Variants in CDK12 observed in about 807,000 individuals in gnomAD.
The protein encoded by CDK12 is cyclin dependent kinase 12, also known as cyclin-dependent kinase 12.
Under a neutral mutation model 133.8 loss-of-function variants are expected in CDK12, and 17 were observed. The observed-to-expected ratio is 0.13, with a 90% confidence interval of 0.09 to 0.19. CDK12 has a LOEUF of 0.19. Ranked by LOEUF, CDK12 falls within the 10% of genes least tolerant of loss-of-function variation. CDK12 has a pLI of 1.00. For missense variants in CDK12, 1,508 were observed against 1,818.7 expected (o/e 0.83, Z 3.11); for synonymous variants, 694 against 683.6 (o/e 1.02, Z -0.24).
chr17:39,485,890 A>G (rs920219980), intron 2 of CDK12, among the ~76,000 whole-genome samples: 4 of 151,960 alleles, frequency 2.6e-5, no homozygotes, highest in Non-Finnish European at 4.4e-5. Context: ...ACAAAAAACC[A>G]TAGACTGAAT....
intron 5 of CDK12, among the ~76,000 whole-genome samples, chr17:39,495,382 G>A (rs1255568563): frequency 1.6e-3 from 40 of 24,468 alleles, no homozygotes; most frequent in Non-Finnish European, 2.5e-3. Context: ...CTGGCCTCAT[G>A]TGTTTTTTTT....
chr17:39,462,839 G>T lies in CDK12; in HGVS notation c.768G>T (p.Ser256=). The T allele has an allele frequency of 1.2e-6, 2 of 1,614,116 alleles. No individual in the cohort carries two copies. Among genetic ancestry groups the T allele is most frequent in the Non-Finnish European group, 1.7e-6 (2 of 1,180,028 alleles). Residue 256 remains serine, a synonymous_variant, in exon 1 of 14, where the codon TCG becomes TCT. Coordinates refer to ENST00000447079, the MANE Select transcript of CDK12 (RefSeq NM_016507.4). ...YDLSPSRSHT[S]SNYDSYKKSP... Reference sequence around the variant, plus strand: ...TTAGTCCCTCACGATCTCATACCTCGAGCAATTATGACTCCTACAAGAAAA... The same window carrying T: ...TTAGTCCCTCACGATCTCATACCTCTAGCAATTATGACTCCTACAAGAAAA...
intron 5 of CDK12, among the ~76,000 whole-genome samples, chr17:39,499,371 G>A (rs1270637766): frequency 1.3e-5 from 2 of 150,666 alleles, no homozygotes; most frequent in Non-Finnish European, 2.9e-5. Context: ...ACCACGTCCA[G>A]GTAATTTTTG....
chr17:39,471,264 A>T lies in CDK12; in HGVS notation c.1432A>T (p.Thr478Ser), dbSNP rs769398436. 14 of 1,612,042 alleles carry T rather than the reference A, an allele frequency of 8.7e-6. No homozygotes were observed. In the South Asian group the frequency reaches 1.5e-4, roughly 18 times the overall value. ...LNTEVKNSSDTGKVKLDENSE... is the reference protein window; with the variant it reads ...LNTEVKNSSDSGKVKLDENSE... ...CACAGAGGTAAAAAATTCTTCAGAT[A>T]CAGGGAAAGTAAAGTTGGATGAGAA... The change falls in exon 2 of 14, where the codon ACA (threonine) becomes TCA (serine). Residue 478 changes from threonine to serine, a missense_variant. Thr to Ser is a moderately conservative substitution (Grantham distance 58). Around this residue, in one of 9 missense-constraint regions of CDK12, gnomAD observed 347 missense variants for 330.8 expected, o/e 1.05. Transcript: ENST00000447079.
intron 2 of CDK12, among the ~76,000 whole-genome samples, chr17:39,472,243 C>G (rs918477642): frequency 3.3e-5 from 5 of 151,976 alleles, no homozygotes; most frequent in Admixed American, 1.3e-4. Flanking sequence ...CTGGGCCTGC[C>G]AAAGTGCTGG....
At chr17:39,537,879 AAAG>A (rs1405717735), downstream of CDK12, among the ~76,000 whole-genome samples, 1 of 152,022 alleles carries the variant, frequency 6.6e-6, no homozygotes, top group Non-Finnish European at 1.5e-5. Context: ...AATTGCTTAT[AAAG>A]AAGAGAGGGA....
downstream of CDK12, chr17:39,567,387 C>A (rs1274256215): frequency 2.0e-5 from 3 of 152,162 alleles, no homozygotes; most frequent in African/African-American, 7.2e-5. Context: ...ATGTATTTGT[C>A]CAGTCATTTG....
intron 5 of CDK12, among the ~76,000 whole-genome samples, chr17:39,498,320 G>A (rs1354651938): frequency 6.6e-6 from 1 of 152,076 alleles, no homozygotes; most frequent in Non-Finnish European, 1.5e-5. Flanking sequence ...CACCTCCTGG[G>A]TTCAAGCAGT....
At chr17:39,558,293 G>T (rs1395193335) in intron 3 of CDK12, among the ~76,000 whole-genome samples, 1 of 152,184 alleles carries the variant, frequency 6.6e-6, no homozygotes, top group Non-Finnish European at 1.5e-5. Flanking sequence ...CAACTGTTCT[G>T]CCTGGAAGTT....
intron 6 of CDK12, among the ~76,000 whole-genome samples, chr17:39,508,442 G>T (rs150154669): frequency 4.6e-5 from 7 of 152,220 alleles, no homozygotes; most frequent in Non-Finnish European, 1.0e-4. Context: ...GTTGGGTTTT[G>T]CATTGCCCAC....
chr17:39,511,702 C>T, intron 8 of CDK12, 72 bp downstream of exon 8: 3 of 925,020 alleles, frequency 3.2e-6, no homozygotes, highest in Non-Finnish European at 4.9e-6. Flanking sequence ...TTTCTCTGTA[C>T]ACTGGCTTTT....
downstream of CDK12, among the ~76,000 whole-genome samples, chr17:39,538,624 A>C (rs1432246776): frequency 1.3e-5 from 2 of 152,108 alleles, no homozygotes; most frequent in Non-Finnish European, 1.5e-5. Flanking sequence ...GCTACCTGGG[A>C]GCGGTGGCTC....
At chr17:39,548,677 G>T (rs1010460371), upstream of CDK12, among the ~76,000 whole-genome samples, 4 of 152,198 alleles carry the variant, frequency 2.6e-5, no homozygotes, top group Non-Finnish European at 5.9e-5. Flanking sequence ...AGGGCCCTGA[G>T]CCAAAAATGG....
chr17:39,468,531 A>G (rs2049524771), intron 1 of CDK12, among the ~76,000 whole-genome samples: 1 of 151,944 alleles, frequency 6.6e-6, no homozygotes, highest in Non-Finnish European at 1.5e-5. Context: ...GCTGGAGTGC[A>G]TTGGCACAAT....
At chr17:39,477,200 T>G (rs1396098472) in intron 2 of CDK12, among the ~76,000 whole-genome samples, 2 of 150,330 alleles carry the variant, frequency 1.3e-5, no homozygotes, top group Non-Finnish European at 3.0e-5. Context: ...TTTGTAGTGT[T>G]TTTATTTTTG....
exon 1 of CDK12, chr17:39,550,388 G>A (rs1196516780): frequency 1.3e-5 from 2 of 152,238 alleles, no homozygotes; most frequent in Non-Finnish European, 2.9e-5. Flanking sequence ...AAACGGATTG[G>A]AACTATACTG....
At chr17:39,464,588 A>G (rs953765383) in intron 1 of CDK12, among the ~76,000 whole-genome samples, 2 of 151,780 alleles carry the variant, frequency 1.3e-5, no homozygotes, top group African/African-American at 4.8e-5. Context: ...CAATTCATAA[A>G]TGGTGTGAGT....
At position 39,471,092 on chromosome 17, in the gene CDK12, C is replaced by G; in HGVS notation, c.1260C>G (p.Ser420=). 1 of 1,612,950 alleles carries G rather than the reference C, an allele frequency of 6.2e-7. No homozygotes were observed. The highest frequency in any genetic ancestry group is 8.5e-7 in the Non-Finnish European group (1 of 1,179,608). Residue 420 remains serine, a synonymous_variant, in exon 2 of 14, where the codon TCC becomes TCG. Transcript: ENST00000447079. ...CAGCAAAGATGGATGGAAAGGAGTCCAAGGGTTCACCTGTATTTTTGCCTA... is the reference window on the plus strand; with the variant it reads ...CAGCAAAGATGGATGGAAAGGAGTCGAAGGGTTCACCTGTATTTTTGCCTA... ...AAAAKMDGKE[S]KGSPVFLPRK... is the part of the protein sequence containing the mutation.
intron 2 of CDK12, among the ~76,000 whole-genome samples, chr17:39,553,209 C>G (rs1326427884): frequency 6.6e-6 from 1 of 152,132 alleles, no homozygotes; most frequent in Non-Finnish European, 1.5e-5. Flanking sequence ...TCCTCCTTCT[C>G]CCCTAAATTT....
Sources: gnomAD v4.1 joint callset for allele counts (sites outside exome capture counted in the v4.1 genomes callset) on GRCh38, gnomAD v4.1.1 for gene constraint, gnomAD v4.1.1 regional missense constraint, MANE v1.5 for transcripts, NCBI Gene and HGNC (gene_info 2026-07-23, HGNC 2026-07-21) for gene names.